ATF7: variants seen among roughly 807,000 people sequenced by gnomAD.
ATF7 encodes cyclic AMP-dependent transcription factor ATF-7.
A neutral mutation model predicts 50.4 loss-of-function variants in ATF7; 10 were observed. That is an observed-to-expected ratio of 0.20 (90% CI 0.12 to 0.34). ATF7 has a LOEUF of 0.34. Ranked by LOEUF, ATF7 falls within the 10% of genes least tolerant of loss-of-function variation. The probability of loss-of-function intolerance (pLI) is 1.00; values close to 1 mark genes in which losing one functional copy is unlikely to be tolerated. For synonymous variants in ATF7, 201 were observed against 226.4 expected, an observed-to-expected ratio of 0.89 and a Z score of 1.01; for missense variants, 465 against 613.9, an observed-to-expected ratio of 0.76 and a Z score of 2.56.
chr12:53,542,208 G>A (rs1373554519), intron 4 of ATF7, among the ~76,000 whole-genome samples: 1 of 150,316 alleles, frequency 6.7e-6, no homozygotes, highest in Non-Finnish European at 1.5e-5. Context: ...AGCAGATCAC[G>A]AGGTCAGGAG....
At chr12:53,614,758 T>C (rs1009710658) in intron 1 of ATF7, among the ~76,000 whole-genome samples, 1 of 152,212 alleles carries the variant, frequency 6.6e-6, no homozygotes, top group Non-Finnish European at 1.5e-5. Flanking sequence ...CAAACTACTA[T>C]TGACCAAAAC....
rs184125902 is a variant in ATF7, at chr12:53,600,226, A to G, written c.48+727T>C. 6.0e-4 allele frequency among the ~76,000 whole-genome samples: 92 copies of G among 152,396 alleles called. 1 individual carries two copies. The highest frequency in any genetic ancestry group is 2.1e-3 in the African/African-American group (87 of 41,604). On this transcript the variant is annotated intron_variant, in intron 2 of 11. Coordinates refer to ENST00000420353, the MANE Select transcript of ATF7 (RefSeq NM_006856.3). ...TTTTTTTTCCTTATTTAAAAAATCC[A>G]AATAGATTCTGGCAAATTGAGGTTC...
intron 9 of ATF7, among the ~76,000 whole-genome samples, chr12:53,530,134 G>C (rs1216301198): frequency 1.3e-5 from 2 of 152,214 alleles, no homozygotes; most frequent in Non-Finnish European, 2.9e-5. Flanking sequence ...ACTCAGGCAA[G>C]GCGGCTACTG....
intron 2 of ATF7, among the ~76,000 whole-genome samples, chr12:53,562,213 T>C (rs1361447242): frequency 6.6e-6 from 1 of 152,200 alleles, no homozygotes; most frequent in Non-Finnish European, 1.5e-5. Flanking sequence ...GATCTCTCCA[T>C]TTGCTTGTTC....
intron 2 of ATF7, among the ~76,000 whole-genome samples, chr12:53,585,787 C>T (rs774606812): frequency 2.7e-5 from 4 of 149,858 alleles, no homozygotes; most frequent in East Asian, 4.1e-4. Flanking sequence ...TCTGTTCATG[C>T]GGTGGAGGAA....
rs371895421 is a variant in ATF7 at position 53,569,219 on chromosome 12, T to G, written c.49-16582A>C. 3.3e-5 allele frequency among the ~76,000 whole-genome samples: 5 copies of G among 152,296 alleles called. No homozygotes were observed. The South Asian group carries it at 6.2e-4, about 19-fold the overall frequency. Reference sequence around the variant, plus strand: ...AAAAGGAATCTACACTGCCTATCAGTAACACTTATCCACATACTTCTAGAC... The same window carrying G: ...AAAAGGAATCTACACTGCCTATCAGGAACACTTATCCACATACTTCTAGAC... On this transcript the variant is annotated intron_variant, in intron 2 of 11. Coordinates refer to ENST00000420353, the MANE Select transcript of ATF7 (RefSeq NM_006856.3).
downstream of ATF7, among the ~76,000 whole-genome samples, chr12:53,508,823 G>A (rs933813478): frequency 6.6e-6 from 1 of 152,174 alleles, no homozygotes; most frequent in Non-Finnish European, 1.5e-5. Flanking sequence ...GTGAGGCTGA[G>A]TGGAGGTGCT....
At chr12:53,517,747 ATAGG>A in intron 11 of ATF7, 1 of 200,586 alleles carries the variant, frequency 5.0e-6, no homozygotes, top group Non-Finnish European at 1.0e-5. Flanking sequence ...TGCTGGGATT[ATAGG>A]CATGAGCCAC....
chr12:53,509,928 C>T (rs146137289), downstream of ATF7, among the ~76,000 whole-genome samples: 2 of 152,250 alleles, frequency 1.3e-5, no homozygotes, highest in Non-Finnish European at 2.9e-5. Flanking sequence ...CTCCAGATAC[C>T]ATATTTCTGT....
At chr12:53,560,397 G>A (rs1941032890) in intron 2 of ATF7, among the ~76,000 whole-genome samples, 1 of 151,930 alleles carries the variant, frequency 6.6e-6, no homozygotes, top group African/African-American at 2.4e-5. Context: ...GAACAGACCC[G>A]AAAAGAAGGC....
chr12:53,564,407 T>G (rs1479008615), intron 2 of ATF7, among the ~76,000 whole-genome samples: 1 of 152,130 alleles, frequency 6.6e-6, no homozygotes, highest in East Asian at 1.9e-4. Context: ...TAAAATACCT[T>G]GTGCAAAAAA....
chr12:53,508,475 G>T (rs1418217537), downstream of ATF7, among the ~76,000 whole-genome samples: 1 of 150,494 alleles, frequency 6.6e-6, no homozygotes, highest in Non-Finnish European at 1.5e-5. Flanking sequence ...CAGGAGAATC[G>T]CTTGAATCGG....
chr12:53,616,314 C>T (rs1321326191), intron 1 of ATF7, among the ~76,000 whole-genome samples: 2 of 152,150 alleles, frequency 1.3e-5, no homozygotes, highest in African/African-American at 2.4e-5. Context: ...CCCCCGCCTC[C>T]CAGGCTCAAG....
chr12:53,540,344 C>T (rs1939468395), intron 4 of ATF7, among the ~76,000 whole-genome samples: 1 of 145,838 alleles, frequency 6.9e-6, no homozygotes, highest in Non-Finnish European at 1.5e-5. Context: ...CAGAGTGAGA[C>T]TCCGTCTCAA....
At chr12:53,549,290 A>T (rs1940161645) in intron 3 of ATF7, among the ~76,000 whole-genome samples, 1 of 143,414 alleles carries the variant, frequency 7.0e-6, no homozygotes, top group African/African-American at 2.6e-5. Context: ...CCGTCTCAAA[A>T]AAAAAAAAGA....
chr12:53,583,880 G>A (rs1942553932), intron 2 of ATF7, among the ~76,000 whole-genome samples: 1 of 152,164 alleles, frequency 6.6e-6, no homozygotes, highest in African/African-American at 2.4e-5. Flanking sequence ...TAAAAAATGG[G>A]CAACGGACTT....
chr12:53,563,680 T>C (rs1440575287), intron 2 of ATF7, among the ~76,000 whole-genome samples: 4 of 152,274 alleles, frequency 2.6e-5, no homozygotes, highest in Non-Finnish European at 5.9e-5. Flanking sequence ...TTTATCCTTT[T>C]CACCTGCCCC....
At chr12:53,609,825 T>C (rs1234616601) in intron 1 of ATF7, among the ~76,000 whole-genome samples, 3 of 145,034 alleles carry the variant, frequency 2.1e-5, no homozygotes, top group Non-Finnish European at 4.5e-5. Context: ...GTTATGCTTT[T>C]TTTTTTTTTT....
intron 2 of ATF7, among the ~76,000 whole-genome samples, chr12:53,591,834 A>G (rs1351837765): frequency 6.6e-6 from 1 of 152,234 alleles, no homozygotes; most frequent in Non-Finnish European, 1.5e-5. Context: ...AATGTCGAAC[A>G]GAGCACTCAG....
Sources: allele counts gnomAD v4.1 joint callset (sites outside exome capture counted in the v4.1 genomes callset), GRCh38; gene constraint gnomAD v4.1.1; transcripts MANE v1.5; gene names NCBI Gene and HGNC (gene_info 2026-07-23, HGNC 2026-07-21).